SYN2: variants seen among roughly 807,000 people sequenced by gnomAD.
SYN2 encodes synapsin II.
Under a neutral mutation model 50.9 loss-of-function variants are expected in SYN2, and 19 were observed. That is an observed-to-expected ratio of 0.37 (90% CI 0.26 to 0.55). The LOEUF is 0.55. Ranked by LOEUF, SYN2 falls within the 20% of genes least tolerant of loss-of-function variation. The probability of loss-of-function intolerance (pLI) is 0.81; values close to 1 mark genes in which losing one functional copy is unlikely to be tolerated. For synonymous variants in SYN2, 255 were observed against 224.9 expected, an observed-to-expected ratio of 1.13 and a Z score of -1.20; for missense variants, 587 against 576.4, an observed-to-expected ratio of 1.02 and a Z score of -0.19.
Position 12,190,852 on chromosome 3 carries a change from TGCTTCCCTGTAGTCATGAGA to T in SYN2, c.*234_*253del, listed in dbSNP as rs1437264890. The T allele has an allele frequency of 2.3e-6, 3 of 1,311,202 alleles. No homozygotes were observed. The African/African-American group carries it at 4.6e-5, about 20-fold the overall frequency. The allele number at this position is 1,311,202 out of a possible 1,614,324, so 81.2% of individuals were successfully genotyped here. On this transcript the variant is annotated 3_prime_UTR_variant, in exon 13 of 13. Coordinates refer to ENST00000621198, the MANE Select transcript of SYN2 (RefSeq NM_133625.6). ...TACCTGGCATCAGAGAGGAAAGAGC[TGCTTCCCTGTAGTCATGAGA>T]GCTTCCTTCTGAAGTCATCGTTCGC...
intron 5 of SYN2, chr3:12,159,393 G>A (rs1697574945): frequency 6.5e-6 from 1 of 153,306 alleles, no homozygotes. Flanking sequence ...GCTTCTTTCA[G>A]CTGCAGGAAG....
intron 5 of SYN2, chr3:12,156,836 C>T (rs759026154): frequency 6.2e-7 from 1 of 1,614,068 alleles, no homozygotes; most frequent in East Asian, 2.2e-5. Flanking sequence ...AGAGATACTG[C>T]TTCTGGCTGT....
intron 1 of SYN2, among the ~76,000 whole-genome samples, chr3:12,014,056 C>T (rs414721): frequency 0.64 from 97,562 of 152,000 alleles, 33,836 homozygotes; most frequent in South Asian, 0.78. Context: ...TTGTATTGAG[C>T]GTCTATGCCC....
intron 6 of SYN2, 112 bp downstream of exon 6, chr3:12,161,720 G>T: frequency 7.5e-7 from 1 of 1,336,490 alleles, no homozygotes. Flanking sequence ...TCTTTCCAAA[G>T]AGAAGATGAT....
intron 1 of SYN2, among the ~76,000 whole-genome samples, chr3:12,066,144 A>G (rs969007378): frequency 1.3e-5 from 2 of 152,200 alleles, no homozygotes; most frequent in African/African-American, 4.8e-5. Context: ...TATCCGGGTA[A>G]AGATTAAAAC....
At chr3:12,085,954 C>G (rs1189498507) in intron 1 of SYN2, among the ~76,000 whole-genome samples, 1 of 151,820 alleles carries the variant, frequency 6.6e-6, no homozygotes, top group African/African-American at 2.4e-5. Context: ...ATCAATAAAA[C>G]TAAAAGTTGG....
chr3:12,062,391 A>G (rs1695130634), intron 1 of SYN2, among the ~76,000 whole-genome samples: 1 of 152,016 alleles, frequency 6.6e-6, no homozygotes, highest in African/African-American at 2.4e-5. Flanking sequence ...ATTTAAAACT[A>G]GAAATCTTCT....
At chr3:12,177,826 G>A (rs1698118492) in intron 10 of SYN2, among the ~76,000 whole-genome samples, 1 of 152,192 alleles carries the variant, frequency 6.6e-6, no homozygotes. Context: ...CTGCCCCTCA[G>A]TGCCCCCAGA....
intron 7 of SYN2, among the ~76,000 whole-genome samples, chr3:12,164,994 T>C (rs1237598295): frequency 1.4e-5 from 2 of 143,108 alleles, no homozygotes; most frequent in African/African-American, 5.1e-5. Context: ...CTTTTTTTTT[T>C]TTTTTTTTTT....
intron 1 of SYN2, among the ~76,000 whole-genome samples, chr3:12,129,690 T>C (rs1258179264): frequency 6.6e-6 from 1 of 152,128 alleles, no homozygotes; most frequent in African/African-American, 2.4e-5. Context: ...TTGTGTGATA[T>C]TGTTTTGTGT....
At chr3:12,057,546 C>T (rs1695022006) in intron 1 of SYN2, among the ~76,000 whole-genome samples, 1 of 152,098 alleles carries the variant, frequency 6.6e-6, no homozygotes, top group Admixed American at 6.5e-5. Context: ...TTGGATTAGA[C>T]ATGCCTGTAG....
chr3:12,057,287 C>CTCTG (rs377485566), intron 1 of SYN2, among the ~76,000 whole-genome samples: 51 of 134,002 alleles, frequency 3.8e-4, no homozygotes, highest in African/African-American at 1.3e-3. Context: ...GCAAGACTGT[C>CTCTG]TGTGTGTGTG....
At chr3:12,092,906 T>G (rs969065787) in intron 1 of SYN2, among the ~76,000 whole-genome samples, 2 of 152,216 alleles carry the variant, frequency 1.3e-5, no homozygotes, top group African/African-American at 4.8e-5. Flanking sequence ...TGAGAATAGC[T>G]TTATCTATAA....
chr3:12,117,184 T>G (rs1696453214), intron 1 of SYN2, among the ~76,000 whole-genome samples: 1 of 152,178 alleles, frequency 6.6e-6, no homozygotes, highest in Non-Finnish European at 1.5e-5. Flanking sequence ...CCCCATGTCC[T>G]TTTCCCCACC....
chr3:12,049,495 G>A (rs1342966338), intron 1 of SYN2, among the ~76,000 whole-genome samples: 2 of 149,814 alleles, frequency 1.3e-5, no homozygotes, highest in Non-Finnish European at 3.0e-5. Context: ...TTGCAGCCAG[G>A]GTGACAGAGT....
chr3:12,010,130 C>T (rs1299889460), intron 1 of SYN2, among the ~76,000 whole-genome samples: 1 of 152,110 alleles, frequency 6.6e-6, no homozygotes, highest in Non-Finnish European at 1.5e-5. Context: ...TTGAAGAAGA[C>T]TCTTGGAGAC....
rs543046554 is a variant in SYN2 at position 12,119,190 on chromosome 3, G to A, written c.378-21461G>A. ...CCTTAGAGAAGCAGGCTTCTTTTCTGCCTAAGTGTCAGCTATCCTTCCTTG... is the reference window on the plus strand; with the variant it reads ...CCTTAGAGAAGCAGGCTTCTTTTCTACCTAAGTGTCAGCTATCCTTCCTTG... On this transcript the variant is annotated intron_variant, in intron 1 of 12. Transcript: ENST00000621198. Among the ~76,000 whole-genome samples the A allele has an allele frequency of 6.3e-4, 95 of 151,738 alleles. 1 individual carries two copies. In the South Asian group the frequency reaches 0.019, roughly 31 times the overall value.
chr3:12,105,595 G>A lies in SYN2; in HGVS notation c.378-35056G>A, dbSNP rs532550799. Among the ~76,000 whole-genome samples the A allele has an allele frequency of 2.0e-4, 30 of 151,382 alleles. No individual in the cohort carries two copies. In the South Asian group the frequency reaches 6.1e-3, roughly 31 times the overall value. On this transcript the variant is annotated intron_variant, in intron 1 of 12. Transcript: ENST00000621198. The stretch of plus-strand genomic sequence containing the variant: ...TGCTCTAGGGCAACTCCGGTGCTTT[G>A]TAAAGAAGGAGAACATCAGAAACAA...
At chr3:12,120,015 A>G (rs910488568) in intron 1 of SYN2, among the ~76,000 whole-genome samples, 1 of 152,140 alleles carries the variant, frequency 6.6e-6, no homozygotes, top group Admixed American at 6.5e-5. Flanking sequence ...TTTTTTTCTA[A>G]CAAAGATTTA....
Sources: gnomAD v4.1 joint callset for allele counts (sites outside exome capture counted in the v4.1 genomes callset) on GRCh38, gnomAD v4.1.1 for gene constraint, MANE v1.5 for transcripts, NCBI Gene and HGNC (gene_info 2026-07-23, HGNC 2026-07-21) for gene names.